The following ADAMTSL1 variants were observed in gnomAD, a reference collection of about 807,000 sequenced individuals.
ADAMTSL1 encodes ADAMTS like 1.
In ADAMTSL1, 126 loss-of-function variants were observed where a neutral mutation model predicts 201.8. The observed-to-expected ratio is 0.62, with a 90% CI of 0.54 to 0.72. The LOEUF is 0.72. ADAMTSL1 is among the 30% of genes least tolerant of loss of function. The probability of loss-of-function intolerance (pLI) is 0.00; values close to 1 mark genes in which losing one functional copy is unlikely to be tolerated. For missense variants in ADAMTSL1, 2,679 were observed against 2,277.8 expected, an observed-to-expected ratio of 1.18 and a Z score of -3.59; for synonymous variants, 1,121 against 903.4, an observed-to-expected ratio of 1.24 and a Z score of -4.32.
At chr9:18,000,675 TGTTGG>T (rs1819574773) in intron 1 of ADAMTSL1, among the ~76,000 whole-genome samples, 1 of 152,078 alleles carries the variant, frequency 6.6e-6, no homozygotes, top group African/African-American at 2.4e-5. Context: ...TAGCACTGGT[TGTTGG>T]CAAGCAATTG....
intron 2 of ADAMTSL1, among the ~76,000 whole-genome samples, chr9:18,250,721 G>C (rs567205114): frequency 6.6e-6 from 1 of 152,084 alleles, no homozygotes; most frequent in Non-Finnish European, 1.5e-5. Flanking sequence ...GGAAGAGGGG[G>C]CTTCTTGTTC....
rs1273036698 is a variant in ADAMTSL1, at chr9:18,560,522, C to G, written c.238-13508C>G. 2.0e-5 allele frequency among the ~76,000 whole-genome samples: 3 copies of G among 152,198 alleles called. No homozygotes were observed. The East Asian group carries it at 5.8e-4, about 29-fold the overall frequency. On this transcript the variant is annotated intron_variant, in intron 3 of 28. Transcript: ENST00000380548. Reference sequence around the variant, plus strand: ...TTTGGTATCAGGATGATGCAGGCCTCATAAAATGAGTTAGGGAGGAGTCCT... The same window carrying G: ...TTTGGTATCAGGATGATGCAGGCCTGATAAAATGAGTTAGGGAGGAGTCCT...
intron 2 of ADAMTSL1, among the ~76,000 whole-genome samples, chr9:18,516,093 AAAAAAAAAG>A (rs1818349216): frequency 6.6e-6 from 1 of 151,596 alleles, no homozygotes; most frequent in East Asian, 1.9e-4. Flanking sequence ...CTACCAAAAA[AAAAAAAAAG>A]AAAGAAAAAG....
chr9:18,454,310 G>A (rs1302591726), intron 2 of ADAMTSL1, among the ~76,000 whole-genome samples: 1 of 152,172 alleles, frequency 6.6e-6, no homozygotes, highest in African/African-American at 2.4e-5. Flanking sequence ...ATGAAAGAGA[G>A]AGAAAATTAT....
chr9:18,750,288 T>C (rs1001879470), intron 15 of ADAMTSL1, among the ~76,000 whole-genome samples: 24 of 152,184 alleles, frequency 1.6e-4, no homozygotes, highest in Non-Finnish European at 2.8e-4. Flanking sequence ...ACTCCTCTTC[T>C]AGTTTTTACC....
At chr9:18,136,146 A>C (rs918906661) in intron 1 of ADAMTSL1, among the ~76,000 whole-genome samples, 4 of 152,192 alleles carry the variant, frequency 2.6e-5, no homozygotes, top group Non-Finnish European at 5.9e-5. Context: ...TAAGTGAAGT[A>C]AGTTGCATAG....
chr9:18,749,605 T>G (rs1819344356), intron 15 of ADAMTSL1, among the ~76,000 whole-genome samples: 1 of 152,148 alleles, frequency 6.6e-6, no homozygotes, highest in Non-Finnish European at 1.5e-5. Flanking sequence ...CTGCCTGGCC[T>G]GCATTTCCTC....
intron 15 of ADAMTSL1, among the ~76,000 whole-genome samples, chr9:18,739,798 T>G (rs1588021444): frequency 6.6e-6 from 1 of 152,294 alleles, no homozygotes; most frequent in Non-Finnish European, 1.5e-5. Flanking sequence ...AGGAAGCCTG[T>G]GCAAACAGCA....
intron 4 of ADAMTSL1, among the ~76,000 whole-genome samples, chr9:18,594,002 T>C (rs1204544573): frequency 1.2e-4 from 18 of 152,164 alleles, no homozygotes; most frequent in Non-Finnish European, 2.6e-4. Flanking sequence ...TGGTTTTGTT[T>C]GGTAATGATA....
chr9:18,399,105 T>C (rs1392414629), intron 2 of ADAMTSL1, among the ~76,000 whole-genome samples: 1 of 151,480 alleles, frequency 6.6e-6, no homozygotes, highest in African/African-American at 2.4e-5. Flanking sequence ...TTTTTAGCTC[T>C]TGGGGAGCCT....
At chr9:18,688,886 G>T (rs1831038361) in intron 13 of ADAMTSL1, among the ~76,000 whole-genome samples, 1 of 150,482 alleles carries the variant, frequency 6.6e-6, no homozygotes, top group African/African-American at 2.4e-5. Flanking sequence ...GGTAATAGCA[G>T]TGCCGTGCTA....
At chr9:18,396,602 T>C (rs943818566) in intron 2 of ADAMTSL1, among the ~76,000 whole-genome samples, 3 of 149,080 alleles carry the variant, frequency 2.0e-5, no homozygotes, top group African/African-American at 7.3e-5. Flanking sequence ...TTTTAATAAA[T>C]ATTTTTATAA....
intron 2 of ADAMTSL1, among the ~76,000 whole-genome samples, chr9:18,307,006 C>G (rs894975024): frequency 6.6e-6 from 1 of 152,184 alleles, no homozygotes; most frequent in African/African-American, 2.4e-5. Flanking sequence ...TCTGCAGAAA[C>G]CCTACAAGCC....
At position 18,672,418 on chromosome 9, in the gene ADAMTSL1, A is replaced by G. The variant is rs144466394; in HGVS notation, c.1086-3439A>G. Among the ~76,000 whole-genome samples the G allele has an allele frequency of 7.8e-3, 1,186 of 152,280 alleles. 16 individuals are homozygous for G. The highest frequency in any genetic ancestry group is 0.027 in the African/African-American group (1,143 of 41,564). On this transcript the variant is annotated intron_variant, in intron 9 of 28. Coordinates refer to ENST00000380548, the MANE Select transcript of ADAMTSL1 (RefSeq NM_001040272.6). ...TGATATATTATAGAAAGCTTAGAAA[A>G]CAGAAAAACATTTAAAAAGAAAGCA...
At chr9:18,310,379 A>C (rs1346280102) in intron 2 of ADAMTSL1, among the ~76,000 whole-genome samples, 1 of 120,624 alleles carries the variant, frequency 8.3e-6, no homozygotes, top group East Asian at 2.1e-4. Context: ...CAAAAAAAAA[A>C]AAAAAAAAAA....
At chr9:18,701,761 T>C (rs1306754947) in intron 13 of ADAMTSL1, among the ~76,000 whole-genome samples, 1 of 152,222 alleles carries the variant, frequency 6.6e-6, no homozygotes, top group East Asian at 1.9e-4. Flanking sequence ...GGCATGAAAC[T>C]AGTGATAGCA....
At chr9:18,583,488 G>GCCCT (rs1823251767) in intron 4 of ADAMTSL1, among the ~76,000 whole-genome samples, 1 of 152,246 alleles carries the variant, frequency 6.6e-6, no homozygotes, top group African/African-American at 2.4e-5. Context: ...GAGAACCTCT[G>GCCCT]CTAGGGCAGT....
At chr9:18,383,147 A>G (rs1837630531) in intron 2 of ADAMTSL1, among the ~76,000 whole-genome samples, 1 of 152,112 alleles carries the variant, frequency 6.6e-6, no homozygotes, top group Non-Finnish European at 1.5e-5. Context: ...TATTAATTCT[A>G]TATTATAGGA....
intron 2 of ADAMTSL1, among the ~76,000 whole-genome samples, chr9:18,269,212 G>A (rs576005979): frequency 6.6e-6 from 1 of 152,200 alleles, no homozygotes; most frequent in South Asian, 2.1e-4. Flanking sequence ...TTGCTTCATA[G>A]TTATTTATAT....
Sources: allele counts gnomAD v4.1 joint callset (sites outside exome capture counted in the v4.1 genomes callset), GRCh38; gene constraint gnomAD v4.1.1; transcripts MANE v1.5; gene names NCBI Gene and HGNC (gene_info 2026-07-23, HGNC 2026-07-21).